TNKS1BP1: variants seen among roughly 807,000 people sequenced by gnomAD.
The protein encoded by TNKS1BP1 is 182 kDa tankyrase-1-binding protein.
A neutral mutation model predicts 141.1 loss-of-function variants in TNKS1BP1; 48 were observed. The ratio of observed to expected loss-of-function variants is 0.34; its 90% confidence interval spans 0.27 to 0.43. The LOEUF (loss-of-function observed/expected upper bound fraction) is 0.43. Among genes scored for constraint, TNKS1BP1 ranks in the 20% least tolerant of loss-of-function variants. The pLI, the probability that TNKS1BP1 is intolerant of heterozygous loss-of-function variation, is 1.00. For missense variants in TNKS1BP1, 2,149 were observed against 2,226.0 expected, an observed-to-expected ratio of 0.97 and a Z score of 0.70; for synonymous variants, 875 against 898.2, an observed-to-expected ratio of 0.97 and a Z score of 0.46.
chr11:57,319,466 T>C (rs551843594), intron 3 of TNKS1BP1, among the ~76,000 whole-genome samples: 87 of 152,084 alleles, frequency 5.7e-4, no homozygotes, highest in Non-Finnish European at 5.0e-4. Flanking sequence ...TCTCAGTATA[T>C]AGAAACTAAA....
chr11:57,309,570 G>A lies in TNKS1BP1; in HGVS notation c.3141C>T (p.Ser1047=). ...CCTGGCTAGCATCACTGTTTTGCCA[G>A]CTGCTCTGGTCTCTCTGCCCGAGTG... is the stretch of plus-strand genomic sequence containing the variant. ...DGALGQRDQS[S]WQNSDASQEV... is the part of the protein sequence containing the mutation. The change falls in exon 6 of 12, where the codon AGC becomes AGT. Residue 1047 remains serine, a synonymous_variant. Coordinates refer to ENST00000358252, the MANE Select transcript of TNKS1BP1 (RefSeq NM_033396.3). This position sits in a 1 kb window ranked among gnomAD's most constrained non-coding sequence, Gnocchi z 4.3. 5 of 1,613,386 alleles carry A rather than the reference G, an allele frequency of 3.1e-6. No homozygotes were observed. Among genetic ancestry groups the A allele is most frequent in the Non-Finnish European group, 4.2e-6 (5 of 1,180,024 alleles).
At chr11:57,322,057 G>C in intron 1 of TNKS1BP1, 107 bp from the exon 2 acceptor site, 2 of 493,268 alleles carry the variant, frequency 4.1e-6, no homozygotes, top group Non-Finnish European at 5.8e-6. Context: ...GGGACAGGAA[G>C]AGAGAACTTG....
intron 5 of TNKS1BP1, among the ~76,000 whole-genome samples, chr11:57,311,975 T>C (rs1855719245): frequency 6.6e-6 from 1 of 152,248 alleles, no homozygotes. Flanking sequence ...ATTGAACCCT[T>C]GCCAACACCC....
rs751008469 is a variant in TNKS1BP1, at chr11:57,309,566, G to T, written c.3145C>A (p.Gln1049Lys). ...ACCTCCTGGCTAGCATCACTGTTTTGCCAGCTGCTCTGGTCTCTCTGCCCG... is the reference window on the plus strand; with the variant it reads ...ACCTCCTGGCTAGCATCACTGTTTTTCCAGCTGCTCTGGTCTCTCTGCCCG... The part of the protein sequence containing the change: ...ALGQRDQSSW[Q>K]NSDASQEVGG... The change falls in exon 6 of 12, where the codon CAA becomes AAA. Residue 1049 changes from glutamine (Q) to lysine (K), a missense_variant. Transcript: ENST00000358252. This position sits in a 1 kb window ranked among gnomAD's most constrained non-coding sequence, Gnocchi z 4.3. 1 of 1,613,288 alleles carries T rather than the reference G, an allele frequency of 6.2e-7. No individual in the cohort carries two copies. The highest frequency in any genetic ancestry group is 1.7e-5 in the Admixed American group (1 of 60,026).
chr11:57,308,920 T>C lies in TNKS1BP1; in HGVS notation c.3791A>G (p.Glu1264Gly), dbSNP rs916510171. 7 of 1,613,966 alleles carry C rather than the reference T, an allele frequency of 4.3e-6. No homozygotes were observed. The highest frequency in any genetic ancestry group is 5.9e-6 in the Non-Finnish European group (7 of 1,180,010). Residue 1264 changes from glutamate to glycine, a missense_variant, in exon 6 of 12, where the codon GAG becomes GGG. Glu to Gly is a moderately conservative substitution (Grantham distance 98). Transcript: ENST00000358252. ...CCTTGATTTAAGGAACTCTCCGGCCTCCACACCTGACCAGTCAGTCTGCCC... is the reference window on the plus strand; with the variant it reads ...CCTTGATTTAAGGAACTCTCCGGCCCCCACACCTGACCAGTCAGTCTGCCC... The part of the protein sequence containing the change: ...GVGQTDWSGV[E>G]AGEFLKSRER...
Position 57,320,369 on chromosome 11 carries a change from A to G in TNKS1BP1, c.438T>C (p.Pro146=), listed in dbSNP as rs769166945. The G allele has an allele frequency of 6.2e-7, 1 of 1,614,102 alleles. No homozygotes were observed. Among genetic ancestry groups the G allele is most frequent in the South Asian group, 1.1e-5 (1 of 91,068 alleles). The change falls in exon 3 of 12, where the codon CCT becomes CCC. Residue 146 remains proline (P), a synonymous_variant. Coordinates refer to ENST00000358252, the MANE Select transcript of TNKS1BP1 (RefSeq NM_033396.3). The part of the protein sequence containing the change: ...CAAPGGVRKA[P]APFRPASERF... ...GCTCTGAGGCTGGGCGGAAAGGGGC[A>G]GGGGCCTTCCGTACACCCCCTGGGG...
intron 6 of TNKS1BP1, among the ~76,000 whole-genome samples, chr11:57,304,515 G>A (rs1281495370): frequency 6.6e-6 from 1 of 152,206 alleles, no homozygotes; most frequent in Non-Finnish European, 1.5e-5. Flanking sequence ...CCAGACTACA[G>A]AGGCCAGGCC....
At position 57,309,278 on chromosome 11, in the gene TNKS1BP1, C is replaced by T. The variant is rs1310383420; in HGVS notation, c.3433G>A (p.Gly1145Ser). The T allele has an allele frequency of 6.2e-7, 1 of 1,614,180 alleles. No individual in the cohort carries two copies. Among genetic ancestry groups the T allele is most frequent in the South Asian group, 1.1e-5 (1 of 91,082 alleles). ...TTCCCAGGAGGCACAAAGTGACCAC[C>T]TTCCATCTTGCTAGAAGGGCTAAAG... ...AGFSPSSKME[G>S]GHFVPPGKTT... Residue 1145 changes from glycine (G) to serine (S), a missense_variant, in exon 6 of 12, where the codon GGT (glycine) becomes AGT (serine). Coordinates refer to ENST00000358252, the MANE Select transcript of TNKS1BP1 (RefSeq NM_033396.3). This position sits in a 1 kb window ranked among gnomAD's most constrained non-coding sequence, Gnocchi z 4.3.
Position 57,320,517 on chromosome 11 carries a change from AGGGGGCGCTTGCTGCCACCATAGGGCT to A in TNKS1BP1, c.263_289del (p.Gln88_Pro96del), listed in dbSNP as rs768394446. On this transcript the variant is annotated inframe_deletion, in exon 3 of 12. Transcript: ENST00000358252. ...AACCGCAGGCCTTGGTGCAAAGGGA[AGGGGGCGCTTGCTGCCACCATAGGGCT>A]GGGGTCCTGCCAGCATGTTCATCTT... 18 of 1,613,118 alleles carry A rather than the reference AGGGGGCGCTTGCTGCCACCATAGGGCT, an allele frequency of 1.1e-5. No individual in the cohort carries two copies. In the Admixed American group the frequency reaches 3.0e-4, roughly 27 times the overall value.
Position 57,308,713 on chromosome 11 carries a change from C to G in TNKS1BP1, c.3998G>C (p.Gly1333Ala), listed in dbSNP as rs142622492. Residue 1333 changes from glycine to alanine, a missense_variant, in exon 6 of 12, where the codon GGG becomes GCG. Transcript: ENST00000358252. ...TCDPDSGGSQ[G>A]LRGCGVGQMD... ...CTGCCCCACTCCACATCCCCGTAGC[C>G]CCTGAGAACCTCCAGAGTCTGGGTC... 136 of 1,613,342 alleles carry G rather than the reference C, an allele frequency of 8.4e-5. 1 individual carries two copies. The highest frequency in any genetic ancestry group is 1.1e-4 in the Non-Finnish European group (125 of 1,180,012).
At chr11:57,323,503 G>A (rs1196488911) in intron 1 of TNKS1BP1, among the ~76,000 whole-genome samples, 1 of 152,122 alleles carries the variant, frequency 6.6e-6, no homozygotes. Flanking sequence ...AGCTGGTCTG[G>A]GAAGACAGCA....
In TNKS1BP1 at chr11:57,320,196, G is replaced by A. The variant is rs368145617; in HGVS notation, c.611C>T (p.Thr204Met). 29 of 1,614,066 alleles carry A rather than the reference G, an allele frequency of 1.8e-5. No homozygotes were observed. The highest frequency in any genetic ancestry group is 1.0e-4 in the Admixed American group (6 of 60,002). ...ATCCTCATCCCTGGGAGCAGTGGTC[G>A]TGCCATAGGTCCTGGGGCCATATCG... Reference protein sequence around the residue: ...SSRYGPRTYGTTTAPRDEDGS... With the variant: ...SSRYGPRTYGMTTAPRDEDGS... Residue 204 changes from threonine to methionine, a missense_variant, in exon 3 of 12, where the codon ACG (threonine) becomes ATG (methionine). By Grantham distance (81) the Thr-to-Met change is moderately conservative (BLOSUM62 -1). Coordinates refer to ENST00000358252, the MANE Select transcript of TNKS1BP1 (RefSeq NM_033396.3).
At chr11:57,307,623 G>A (rs1166701369) in intron 6 of TNKS1BP1, among the ~76,000 whole-genome samples, 1 of 134,068 alleles carries the variant, frequency 7.5e-6, no homozygotes, top group Non-Finnish European at 1.6e-5. Context: ...CCACTGTGGG[G>A]CTGGAAAAGG....
intron 5 of TNKS1BP1, chr11:57,311,537 G>T: frequency 1.1e-6 from 1 of 898,962 alleles, no homozygotes; most frequent in Non-Finnish European, 1.3e-6. Flanking sequence ...CCGCCCAGGA[G>T]CCAGTTGAGT....
chr11:57,313,812 T>G lies in TNKS1BP1; in HGVS notation c.876A>C (p.Ala292=). ...AGCCAGGGCCTGAGCCTGAGGCTTC[T>G]GCGGGGAGGCCTGGGCTGGCAGGGC... ...NGGPASPGLP[A]EASGSGPGSP... The change falls in exon 5 of 12, where the codon GCA becomes GCC. Residue 292 remains alanine (A), a synonymous_variant. Transcript: ENST00000358252. 1.9e-6 allele frequency: 3 copies of G among 1,563,734 alleles called. No homozygotes were observed. Among genetic ancestry groups the G allele is most frequent in the African/African-American group, 1.4e-5 (1 of 73,332 alleles).
At chr11:57,306,673 ACCCCTGAACTCG>A (rs1325620659) in intron 6 of TNKS1BP1, among the ~76,000 whole-genome samples, 2 of 152,066 alleles carry the variant, frequency 1.3e-5, no homozygotes, top group African/African-American at 4.8e-5. Flanking sequence ...ATCACGGCTA[ACCCCTGAACTCG>A]GGTTAAAGTC....
At position 57,309,131 on chromosome 11, in the gene TNKS1BP1, A is replaced by G; in HGVS notation, c.3580T>C (p.Trp1194Arg). 1 of 1,614,098 alleles carries G rather than the reference A, an allele frequency of 6.2e-7. No individual in the cohort carries two copies. ...ARESAVGQMG[W>R]SGGLSLRDMN... ...TCTCTCAAGCTCAGGCCACCTGACC[A>G]GCCCATCTGTCCCACGGCACTCTCC... Residue 1194 changes from tryptophan (W) to arginine (R), a missense_variant, in exon 6 of 12, where the codon TGG (tryptophan) becomes CGG (arginine). Physicochemically the swap from Trp to Arg is moderately radical, Grantham distance 101. Transcript: ENST00000358252. The surrounding 1 kb of genome is among the most constrained non-coding windows in gnomAD (Gnocchi z 4.3).
rs1256935369 is a variant in TNKS1BP1 at position 57,317,256 on chromosome 11, AG to A, written c.798+561del. Among the ~76,000 whole-genome samples the A allele has an allele frequency of 3.9e-5, 6 of 152,332 alleles. No individual in the cohort carries two copies. The East Asian group carries it at 1.2e-3, about 29-fold the overall frequency. ...GCTAGCAAGGGCTGTATGAGCAAAA[AG>A]GGCCATCCTGTACCTTGTTTACTCA... On this transcript the variant is annotated intron_variant, in intron 4 of 11. Transcript: ENST00000358252.
chr11:57,309,297 G>A lies in TNKS1BP1; in HGVS notation c.3414C>T (p.Ser1138=). 1.9e-6 allele frequency: 3 copies of A among 1,614,126 alleles called. No individual in the cohort carries two copies. Among genetic ancestry groups the A allele is most frequent in the Non-Finnish European group, 2.5e-6 (3 of 1,180,038 alleles). ...GNDRVSGAGF[S]PSSKMEGGHF... is the part of the protein sequence containing the mutation. ...GACCACCTTCCATCTTGCTAGAAGG[G>A]CTAAAGCCAGCACCACTCACTCTGT... Residue 1138 remains serine, a synonymous_variant, in exon 6 of 12, where the codon AGC becomes AGT. Transcript: ENST00000358252. The surrounding 1 kb of genome is among the most constrained non-coding windows in gnomAD (Gnocchi z 4.3).
Sources: allele counts gnomAD v4.1 joint callset (sites outside exome capture counted in the v4.1 genomes callset), GRCh38; gene constraint gnomAD v4.1.1; non-coding constraint Gnocchi (gnomAD v3.1); transcripts MANE v1.5; gene names NCBI Gene and HGNC (gene_info 2026-07-23, HGNC 2026-07-21).